Variants in ANKRD22 observed in about 807,000 individuals in gnomAD.
ANKRD22 encodes ankyrin repeat domain 22, also known as ankyrin repeat domain-containing protein 22.
A neutral mutation model predicts 25.7 loss-of-function variants in ANKRD22; 24 were observed. That is an observed-to-expected ratio of 0.93 (90% CI 0.68 to 1.31). ANKRD22 has a LOEUF of 1.31. Ranked by LOEUF, ANKRD22 falls within the 50% of genes most tolerant of loss-of-function variation. The probability of loss-of-function intolerance (pLI) is 0.00; values close to 1 mark genes in which losing one functional copy is unlikely to be tolerated. For missense variants in ANKRD22, 214 were observed against 227.1 expected, an observed-to-expected ratio of 0.94 and a Z score of 0.37; for synonymous variants, 84 against 84.3, an observed-to-expected ratio of 1.00 and a Z score of 0.02.
chr10:88,841,750 T>C (rs1235293717), intron 1 of ANKRD22, among the ~76,000 whole-genome samples: 1 of 152,116 alleles, frequency 6.6e-6, no homozygotes, highest in East Asian at 1.9e-4. Flanking sequence ...TGAAACCAAG[T>C]TAACTAATCA....
intron 4 of ANKRD22, 99 bp from the exon 5 acceptor site, chr10:88,823,477 T>A: frequency 1.1e-6 from 1 of 878,826 alleles, no homozygotes; most frequent in Non-Finnish European, 1.9e-6. Context: ...CTTTGTAGTA[T>A]ACAACTAAGC....
At position 88,835,392 on chromosome 10, in the gene ANKRD22, C is replaced by T. The variant is rs918792093; in HGVS notation, c.22-3366G>A. On this transcript the variant is annotated intron_variant, in intron 1 of 5. Transcript: ENST00000371930. Reference sequence around the variant, plus strand: ...CATACTTCACTTCACAACAGGGATACGTTCTGAGAAATGTGTTGTTAGGTG... The same window carrying T: ...CATACTTCACTTCACAACAGGGATATGTTCTGAGAAATGTGTTGTTAGGTG... 8.5e-5 allele frequency among the ~76,000 whole-genome samples: 13 copies of T among 152,206 alleles called. No homozygotes were observed. In the East Asian group the frequency reaches 1.3e-3, roughly 16 times the overall value.
chr10:88,820,482 G>C lies in ANKRD22; in HGVS notation c.*2459C>G, dbSNP rs1442963658. The C allele has an allele frequency of 6.4e-7, 1 of 1,551,008 alleles. No homozygotes were observed. Among genetic ancestry groups the C allele is most frequent in the Admixed American group, 2.0e-5 (1 of 50,972 alleles). On this transcript the variant is annotated 3_prime_UTR_variant, in exon 6 of 6. Coordinates refer to ENST00000371930, the MANE Select transcript of ANKRD22 (RefSeq NM_144590.3). Reference sequence around the variant, plus strand: ...GAGGAGACCAACCTTTCCCAGGGACGGTGTGAGGCCGTATTGTGAAGCATC... The same window carrying C: ...GAGGAGACCAACCTTTCCCAGGGACCGTGTGAGGCCGTATTGTGAAGCATC...
In ANKRD22 at chr10:88,820,955, G is replaced by T. The variant is rs561219721; in HGVS notation, c.*1986C>A. 1.3e-5 allele frequency among the ~76,000 whole-genome samples: 2 copies of T among 152,274 alleles called. No individual in the cohort carries two copies. The highest frequency in any genetic ancestry group is 4.2e-4 in the South Asian group (2 of 4,812). ...CAGAGACATAACACTACCTCAGGAA[G>T]CTGAGCTGCTTTAAGGACAACAACA... On this transcript the variant is annotated 3_prime_UTR_variant, in exon 6 of 6. Coordinates refer to ENST00000371930, the MANE Select transcript of ANKRD22 (RefSeq NM_144590.3).
At chr10:88,842,120 C>T (rs1233079612) in intron 1 of ANKRD22, among the ~76,000 whole-genome samples, 2 of 152,010 alleles carry the variant, frequency 1.3e-5, no homozygotes, top group Admixed American at 1.3e-4. Flanking sequence ...TATTTTAGCA[C>T]TAAATCTCTA....
At position 88,820,016 on chromosome 10, in the gene ANKRD22, C is replaced by A. The variant is rs145438983; in HGVS notation, c.*2925G>T. 1.4e-3 allele frequency among the ~76,000 whole-genome samples: 211 copies of A among 152,234 alleles called. 2 individuals carry two copies. The highest frequency in any genetic ancestry group is 4.9e-3 in the African/African-American group (205 of 41,520). ...AGCAAGTTATTACAGATATTATCCC[C>A]AGTCACAGAAGAAGAAACTGAGGTT... On this transcript the variant is annotated 3_prime_UTR_variant, in exon 6 of 6. Coordinates refer to ENST00000371930, the MANE Select transcript of ANKRD22 (RefSeq NM_144590.3).
chr10:88,841,251 G>A (rs1258989799), intron 1 of ANKRD22, among the ~76,000 whole-genome samples: 2 of 152,074 alleles, frequency 1.3e-5, no homozygotes, highest in African/African-American at 4.8e-5. Flanking sequence ...GCTAGAAAAT[G>A]GCAAATCAGA....
intron 4 of ANKRD22, among the ~76,000 whole-genome samples, chr10:88,825,310 G>A (rs1843845808): frequency 6.6e-6 from 1 of 152,148 alleles, no homozygotes; most frequent in African/African-American, 2.4e-5. Context: ...ATAAACTTTT[G>A]TCTTTCTGTG....
intron 1 of ANKRD22, 71 bp from the exon 2 acceptor site, chr10:88,832,097 C>T (rs1253859420): frequency 7.7e-6 from 11 of 1,422,928 alleles, no homozygotes; most frequent in Non-Finnish European, 1.0e-5. Flanking sequence ...AAAAAAAAGT[C>T]ATAACCCAAT....
rs775675769 is a variant in ANKRD22, at chr10:88,820,541, G to A, written c.*2400C>T. On this transcript the variant is annotated 3_prime_UTR_variant, in exon 6 of 6. Coordinates refer to ENST00000371930, the MANE Select transcript of ANKRD22 (RefSeq NM_144590.3). The stretch of plus-strand genomic sequence containing the variant: ...ACGATCTTAGGACAACCTCCTGAGG[G>A]ATGGGGCTAGGACCCATGAAGGCAG... 2.0e-5 allele frequency: 31 copies of A among 1,529,828 alleles called. No homozygotes were observed. Among genetic ancestry groups the A allele is most frequent in the Non-Finnish European group, 2.7e-5 (31 of 1,138,474 alleles). The allele number at this position is 1,529,828 out of a possible 1,614,324, so 94.8% of individuals were successfully genotyped here.
At chr10:88,842,209 C>A (rs893085903) in intron 1 of ANKRD22, among the ~76,000 whole-genome samples, 8 of 150,034 alleles carry the variant, frequency 5.3e-5, no homozygotes, top group Non-Finnish European at 1.0e-4. Context: ...ATACTGAACT[C>A]TTTTTATATA....
At chr10:88,826,263 C>T in intron 3 of ANKRD22, 148 bp from the exon 4 acceptor site, 1 of 653,840 alleles carries the variant, frequency 1.5e-6, no homozygotes. Flanking sequence ...CAGCTTCTCA[C>T]TCACTCTAAT....
chr10:88,835,881 A>G (rs1168616187), intron 1 of ANKRD22, among the ~76,000 whole-genome samples: 2 of 152,196 alleles, frequency 1.3e-5, no homozygotes, highest in Non-Finnish European at 2.9e-5. Context: ...TTCACAAGCC[A>G]GGTATGAAAA....
At chr10:88,826,697 C>T (rs757267330) in intron 3 of ANKRD22, among the ~76,000 whole-genome samples, 6 of 152,152 alleles carry the variant, frequency 3.9e-5, no homozygotes, top group Non-Finnish European at 7.3e-5. Context: ...AGCCCAAGTC[C>T]CTCTTTCTCT....
intron 1 of ANKRD22, among the ~76,000 whole-genome samples, chr10:88,832,636 C>G (rs1843917892): frequency 6.6e-6 from 1 of 151,966 alleles, no homozygotes; most frequent in African/African-American, 2.4e-5. Context: ...TACATAGCAC[C>G]CTGTATTCAA....
At chr10:88,847,188 T>A (rs1844056715) in intron 1 of ANKRD22, among the ~76,000 whole-genome samples, 1 of 152,174 alleles carries the variant, frequency 6.6e-6, no homozygotes, top group African/African-American at 2.4e-5. Context: ...AACTTCAGCA[T>A]AGGACTTAAA....
intron 1 of ANKRD22, among the ~76,000 whole-genome samples, chr10:88,834,373 G>A (rs1843933305): frequency 6.6e-6 from 1 of 152,000 alleles, no homozygotes; most frequent in Non-Finnish European, 1.5e-5. Context: ...CTTTATATTG[G>A]GTAGATTTAG....
At chr10:88,845,042 T>C (rs1844035225) in intron 1 of ANKRD22, among the ~76,000 whole-genome samples, 1 of 148,088 alleles carries the variant, frequency 6.8e-6, no homozygotes, top group African/African-American at 2.5e-5. Flanking sequence ...GCACAAGCTG[T>C]TTTTGTCTTG....
rs753197979 is a variant in ANKRD22 at position 88,826,023 on chromosome 10, A to C, written c.399+15T>G. On this transcript the variant is annotated intron_variant, in intron 4 of 5. Coordinates refer to ENST00000371930, the MANE Select transcript of ANKRD22 (RefSeq NM_144590.3). ...TTTGAATATTTTTTCAAAATGGCTA[A>C]AAGTATAAACTTACACAATCTGTAG... 2 of 1,597,184 alleles carry C rather than the reference A, an allele frequency of 1.3e-6. No individual in the cohort carries two copies. The highest frequency in any genetic ancestry group is 2.7e-5 in the African/African-American group (2 of 74,412).
Sources: allele counts gnomAD v4.1 joint callset (sites outside exome capture counted in the v4.1 genomes callset), GRCh38; gene constraint gnomAD v4.1.1; transcripts MANE v1.5; gene names NCBI Gene and HGNC (gene_info 2026-07-23, HGNC 2026-07-21).